Variants in ARSJ observed in about 807,000 individuals in gnomAD.
ARSJ encodes arylsulfatase J.
Under a neutral mutation model 35.9 loss-of-function variants are expected in ARSJ, and 26 were observed. The observed-to-expected ratio is 0.72, with a 90% confidence interval of 0.53 to 1.00. ARSJ has a LOEUF of 1.00. Among genes scored for constraint, ARSJ ranks in the 50% least tolerant of loss-of-function variants. The pLI is 0.00. For missense variants in ARSJ, 667 were observed against 723.6 expected (o/e 0.92, Z 0.90); for synonymous variants, 294 against 267.6 (o/e 1.10, Z -0.96).
At chr4:113,919,031 T>G (rs1723499761) in intron 1 of ARSJ, among the ~76,000 whole-genome samples, 1 of 152,128 alleles carries the variant, frequency 6.6e-6, no homozygotes, top group Non-Finnish European at 1.5e-5. Context: ...AGTGGTGAAA[T>G]TTTTCCATAC....
chr4:113,906,687 G>C, intron 1 of ARSJ: 1 of 455,274 alleles, frequency 2.2e-6, no homozygotes, highest in East Asian at 7.0e-5. Flanking sequence ...TTGCTCCACT[G>C]CTTATTACCT....
In ARSJ at chr4:113,901,995, A is replaced by C; in HGVS notation, c.*279T>G. 3 of 739,438 alleles carry C rather than the reference A, an allele frequency of 4.1e-6. No individual in the cohort carries two copies. In the South Asian group the frequency reaches 5.6e-5, roughly 14 times the overall value. 45.8% of individuals were successfully genotyped at this position (739,438 alleles called of 1,614,324 possible). On this transcript the variant is annotated 3_prime_UTR_variant, in exon 2 of 2. Coordinates refer to ENST00000315366, the MANE Select transcript of ARSJ (RefSeq NM_024590.4). ...GTGTTTGGTCAGTTGACTGAAGCAC[A>C]GCAGTGGAACTCAGGACTCACCACG...
intron 1 of ARSJ, among the ~76,000 whole-genome samples, chr4:113,917,441 T>C (rs1723380570): frequency 6.6e-6 from 1 of 152,154 alleles, no homozygotes; most frequent in Non-Finnish European, 1.5e-5. Context: ...TTTATAATAA[T>C]ATAAGTGAAA....
At chr4:113,955,364 G>A (rs1277092365) in intron 1 of ARSJ, among the ~76,000 whole-genome samples, 1 of 151,572 alleles carries the variant, frequency 6.6e-6, no homozygotes, top group Non-Finnish European at 1.5e-5. Flanking sequence ...CAATTTGCCA[G>A]CTTCTTTTAG....
At chr4:113,971,939 C>T (rs1727275578) in intron 1 of ARSJ, among the ~76,000 whole-genome samples, 1 of 152,148 alleles carries the variant, frequency 6.6e-6, no homozygotes, top group Admixed American at 6.6e-5. Context: ...AATAATCAAA[C>T]TCTATTGCCC....
chr4:113,908,390 C>A (rs2099669415), intron 1 of ARSJ, among the ~76,000 whole-genome samples: 1 of 151,352 alleles, frequency 6.6e-6, no homozygotes, highest in Non-Finnish European at 1.5e-5. Flanking sequence ...TGCAATTTTT[C>A]TATAAGATTG....
chr4:113,928,250 A>G (rs1359644697), intron 1 of ARSJ, among the ~76,000 whole-genome samples: 3 of 152,130 alleles, frequency 2.0e-5, no homozygotes, highest in Non-Finnish European at 4.4e-5. Flanking sequence ...TTACACTTGT[A>G]AAAGGCCAGA....
chr4:113,903,642 G>T lies in ARSJ; in HGVS notation c.432C>A (p.Ile144=). 6.2e-7 allele frequency: 1 copy of T among 1,613,732 alleles called. No individual in the cohort carries two copies. Among genetic ancestry groups the T allele is most frequent in the Non-Finnish European group, 8.5e-7 (1 of 1,179,700 alleles). The change falls in exon 2 of 2, where the codon ATC becomes ATA. Residue 144 remains isoleucine (I), a synonymous_variant. Transcript: ENST00000315366. ...YQIHTGLQHS[I]IRPTQPNCLP... ...AACAGTTGGGTTGGGTAGGTCTTAT[G>T]ATAGAATGTTGAAGTCCGGTGTGTA...
In ARSJ at chr4:113,902,671, G is replaced by A. The variant is rs1158899244; in HGVS notation, c.1403C>T (p.Pro468Leu). Residue 468 changes from proline (P) to leucine (L), a missense_variant, in exon 2 of 2, where the codon CCC becomes CTC. Physicochemically the swap from Pro to Leu is moderately conservative, Grantham distance 98. Coordinates refer to ENST00000315366, the MANE Select transcript of ARSJ (RefSeq NM_024590.4). ...TGNPGYSDWV[P>L]PQSFSNLGPN... ...TCCCAGGTTGCTGAAAGACTGAGGG[G>A]GGACCCAGTCGCTGTAGCCAGGATT... The A allele has an allele frequency of 2.5e-6, 4 of 1,614,046 alleles. No individual in the cohort carries two copies. Among genetic ancestry groups the A allele is most frequent in the Non-Finnish European group, 3.4e-6 (4 of 1,180,034 alleles).
At chr4:113,916,799 G>A (rs1219683141) in intron 1 of ARSJ, among the ~76,000 whole-genome samples, 3 of 152,134 alleles carry the variant, frequency 2.0e-5, no homozygotes, top group Non-Finnish European at 4.4e-5. Context: ...AATGTCTATG[G>A]AGGAATGCAA....
chr4:113,904,113 G>C (rs1434238308), intron 1 of ARSJ, among the ~76,000 whole-genome samples: 2 of 151,278 alleles, frequency 1.3e-5, no homozygotes, highest in East Asian at 2.0e-4. Flanking sequence ...ATTTTTAGTA[G>C]AGACAGGGTT....
chr4:113,920,838 A>G (rs1464924753), intron 1 of ARSJ, among the ~76,000 whole-genome samples: 3 of 152,150 alleles, frequency 2.0e-5, no homozygotes, highest in African/African-American at 4.8e-5. Flanking sequence ...AGTTTTAAGT[A>G]TCAATGAGGC....
intron 1 of ARSJ, among the ~76,000 whole-genome samples, chr4:113,973,117 A>G (rs1236036249): frequency 1.3e-5 from 2 of 152,074 alleles, no homozygotes; most frequent in African/African-American, 4.8e-5. Flanking sequence ...TGATTTCTCA[A>G]TGGATATCCA....
At chr4:113,965,037 A>G (rs1726803603) in intron 1 of ARSJ, among the ~76,000 whole-genome samples, 1 of 152,188 alleles carries the variant, frequency 6.6e-6, no homozygotes, top group Non-Finnish European at 1.5e-5. Flanking sequence ...TGTAACAAAA[A>G]TAGAACTGGA....
intron 1 of ARSJ, among the ~76,000 whole-genome samples, chr4:113,912,072 A>T (rs1360875254): frequency 6.6e-6 from 1 of 152,206 alleles, no homozygotes; most frequent in Admixed American, 6.5e-5. Context: ...GTTACCATAA[A>T]AATGCAGTTA....
intron 1 of ARSJ, among the ~76,000 whole-genome samples, chr4:113,905,006 A>G (rs909460022): frequency 6.6e-6 from 1 of 152,224 alleles, no homozygotes; most frequent in Non-Finnish European, 1.5e-5. Flanking sequence ...AAAGCATAAC[A>G]CTTTCTAATA....
At position 113,901,872 on chromosome 4, in the gene ARSJ, CAAATTAG is replaced by C. The variant is rs1399510943; in HGVS notation, c.*395_*401del. 3,291 of 44,514 alleles carry C rather than the reference CAAATTAG, an allele frequency of 0.074. 67 individuals carry two copies. Among genetic ancestry groups the C allele is most frequent in the Middle Eastern group, 0.26 (35 of 134 alleles). 2.8% of individuals were successfully genotyped at this position (44,514 alleles called of 1,614,324 possible). On this transcript the variant is annotated 3_prime_UTR_variant, in exon 2 of 2. Coordinates refer to ENST00000315366, the MANE Select transcript of ARSJ (RefSeq NM_024590.4). ...AATCATGCTACCCTGTAACTTCCAT[CAAATTAG>C]CATGCTTGCGGATGGTATACCCTGT...
intron 1 of ARSJ, among the ~76,000 whole-genome samples, chr4:113,909,788 C>G (rs2099669880): frequency 6.6e-6 from 1 of 151,760 alleles, no homozygotes; most frequent in Non-Finnish European, 1.5e-5. Context: ...TACTACACCT[C>G]TAAGCTTCTT....
chr4:113,974,835 T>C (rs1387058663), intron 1 of ARSJ, among the ~76,000 whole-genome samples: 4 of 152,184 alleles, frequency 2.6e-5, no homozygotes, highest in Non-Finnish European at 5.9e-5. Flanking sequence ...CTAAGAGAAA[T>C]GCATAACCTA....
Sources: gnomAD v4.1 joint callset for allele counts (sites outside exome capture counted in the v4.1 genomes callset) on GRCh38, gnomAD v4.1.1 for gene constraint, MANE v1.5 for transcripts, NCBI Gene and HGNC (gene_info 2026-07-23, HGNC 2026-07-21) for gene names.